The following TENM3 variants were observed in gnomAD, a reference collection of about 807,000 sequenced individuals.
TENM3 encodes the protein teneurin-3.
In TENM3, 63 loss-of-function variants were observed where a neutral mutation model predicts 255.1. That is an observed-to-expected ratio of 0.25 (90% CI 0.20 to 0.30). TENM3 has a LOEUF of 0.30. Among genes scored for constraint, TENM3 ranks in the 10% least tolerant of loss-of-function variants. TENM3 has a pLI of 1.00. For missense variants in TENM3, 2,929 were observed against 3,461.1 expected (o/e 0.85, Z 3.86); for synonymous variants, 1,306 against 1,322.3 (o/e 0.99, Z 0.27).
At chr4:182,586,693 C>T (rs923043164) in intron 3 of TENM3, among the ~76,000 whole-genome samples, 1 of 152,186 alleles carries the variant, frequency 6.6e-6, no homozygotes, top group African/African-American at 2.4e-5. Flanking sequence ...AAGTTCATTG[C>T]ATCTACATAT....
the TENM3 span, among the ~76,000 whole-genome samples, chr4:181,616,370 AT>A: frequency 2.8e-5 from 3 of 106,686 alleles, no homozygotes; most frequent in Non-Finnish European, 1.9e-5. Context: ...TATCAATAGG[AT>A]ATATATATAT....
the TENM3 span, among the ~76,000 whole-genome samples, chr4:181,519,575 G>C: frequency 6.6e-6 from 1 of 152,102 alleles, no homozygotes; most frequent in African/African-American, 2.4e-5. Context: ...TTTTTGAGAG[G>C]CATAATTATG....
At chr4:182,124,661 C>T in the TENM3 span, among the ~76,000 whole-genome samples, 1 of 152,108 alleles carries the variant, frequency 6.6e-6, no homozygotes, top group Non-Finnish European at 1.5e-5. Context: ...GTCCAGAAAG[C>T]CAAATGAAGG....
At chr4:182,276,375 G>A (rs973212370) in intron 1 of TENM3, among the ~76,000 whole-genome samples, 4 of 152,154 alleles carry the variant, frequency 2.6e-5, no homozygotes, top group Admixed American at 2.6e-4. Flanking sequence ...GTTTAAACGG[G>A]CAGAACACTC....
At chr4:181,796,400 T>G in the TENM3 span, among the ~76,000 whole-genome samples, 1 of 152,212 alleles carries the variant, frequency 6.6e-6, no homozygotes, top group Non-Finnish European at 1.5e-5. Flanking sequence ...GGGGAATGGT[T>G]ACTTTCAGCT....
the TENM3 span, among the ~76,000 whole-genome samples, chr4:181,471,209 G>T: frequency 6.6e-6 from 1 of 152,150 alleles, no homozygotes; most frequent in Non-Finnish European, 1.5e-5. Flanking sequence ...GAGGGGAAAA[G>T]TAGAGTCTAG....
At chr4:182,410,016 G>A (rs1026172927) in intron 3 of TENM3, among the ~76,000 whole-genome samples, 1 of 152,000 alleles carries the variant, frequency 6.6e-6, no homozygotes, top group Non-Finnish European at 1.5e-5. Flanking sequence ...TGGTAGAGAA[G>A]GGGTTTCACC....
At chr4:182,403,908 G>A (rs1769377223) in intron 3 of TENM3, among the ~76,000 whole-genome samples, 3 of 152,110 alleles carry the variant, frequency 2.0e-5, no homozygotes, top group South Asian at 4.1e-4. Context: ...TCTTTGTAGA[G>A]ACCAGGTCTC....
the TENM3 span, among the ~76,000 whole-genome samples, chr4:181,555,164 A>G: frequency 1.3e-5 from 2 of 152,190 alleles, no homozygotes; most frequent in South Asian, 2.1e-4. Flanking sequence ...AACACTTTAA[A>G]TGCATTGCCA....
At chr4:181,815,422 C>T in the TENM3 span, among the ~76,000 whole-genome samples, 2 of 146,504 alleles carry the variant, frequency 1.4e-5, no homozygotes, top group Non-Finnish European at 3.0e-5. Flanking sequence ...GAGATCATGC[C>T]AGTGCACTCC....
chr4:182,765,162 AG>A (rs1763590465), intron 22 of TENM3, among the ~76,000 whole-genome samples: 1 of 152,174 alleles, frequency 6.6e-6, no homozygotes, highest in African/African-American at 2.4e-5. Context: ...TGGAACTTAG[AG>A]GACAATTCCA....
intron 3 of TENM3, among the ~76,000 whole-genome samples, chr4:182,493,823 T>C (rs1735516865): frequency 6.6e-6 from 1 of 152,158 alleles, no homozygotes; most frequent in Non-Finnish European, 1.5e-5. Flanking sequence ...TTAATGACAA[T>C]TATTAAAAAG....
intron 3 of TENM3, among the ~76,000 whole-genome samples, chr4:182,572,167 G>T (rs1744446992): frequency 6.6e-6 from 1 of 152,178 alleles, no homozygotes; most frequent in South Asian, 2.1e-4. Flanking sequence ...CTCCCAAAGT[G>T]CTGGGATTAC....
chr4:182,208,972 GTT>G (rs540578050), intron 1 of TENM3, among the ~76,000 whole-genome samples: 2 of 140,332 alleles, frequency 1.4e-5, no homozygotes, highest in African/African-American at 5.2e-5. Context: ...CTTTTTTTTT[GTT>G]TTTTTTTTTT....
At chr4:181,897,402 C>G in the TENM3 span, among the ~76,000 whole-genome samples, 1 of 152,164 alleles carries the variant, frequency 6.6e-6, no homozygotes, top group Non-Finnish European at 1.5e-5. Context: ...CTCCATCATT[C>G]TTGGCTAAGT....
At chr4:181,786,686 T>G in the TENM3 span, among the ~76,000 whole-genome samples, 1 of 143,484 alleles carries the variant, frequency 7.0e-6, no homozygotes, top group Non-Finnish European at 1.5e-5. Flanking sequence ...GGAGAGTGTT[T>G]AAGACAATCA....
Position 182,703,195 on chromosome 4 carries a change from A to G in TENM3, c.2222-10892A>G, listed in dbSNP as rs529662294. ...CCCTGTCACAAAAGATTGAATTGTC[A>G]TAGAAACAGATGCAAAAACAATAAT... On this transcript the variant is annotated intron_variant, in intron 12 of 27. Coordinates refer to ENST00000511685, the MANE Select transcript of TENM3 (RefSeq NM_001080477.4). Among the ~76,000 whole-genome samples the G allele has an allele frequency of 6.9e-4, 105 of 152,380 alleles. No homozygotes were observed. In the Middle Eastern group the frequency reaches 0.014, roughly 20 times the overall value.
In TENM3 at chr4:182,199,109, A is replaced by G. The variant is rs9790806; in HGVS notation, c.-76+54355A>G. The stretch of plus-strand genomic sequence containing the variant: ...CTGGTAGAAATGCTGCCATAAGCCT[A>G]GGAAGTACCGGTGTGGGGACTGAAT... On this transcript the variant is annotated intron_variant, in intron 1 of 2. Coordinates refer to the TENM3 transcript ENST00000512480. Among the ~76,000 whole-genome samples, 41 of 152,310 alleles carry G rather than the reference A, an allele frequency of 2.7e-4. No individual in the cohort carries two copies. In the East Asian group the frequency reaches 5.4e-3, roughly 20 times the overall value.
the TENM3 span, among the ~76,000 whole-genome samples, chr4:182,058,341 C>T: frequency 2.6e-5 from 4 of 151,940 alleles, no homozygotes; most frequent in South Asian, 8.3e-4. Context: ...TCTCTGGTGG[C>T]ATAAAGAGTA....
Sources: allele counts gnomAD v4.1 joint callset (sites outside exome capture counted in the v4.1 genomes callset), GRCh38; gene constraint gnomAD v4.1.1; transcripts MANE v1.5; gene names NCBI Gene and HGNC (gene_info 2026-07-23, HGNC 2026-07-21).